The following SYT16 variants were observed in gnomAD, a reference collection of about 807,000 sequenced individuals.
SYT16 encodes synaptotagmin 16.
A neutral mutation model predicts 61.4 loss-of-function variants in SYT16; 42 were observed. The ratio of observed to expected loss-of-function variants is 0.68; its 90% confidence interval spans 0.53 to 0.89. The LOEUF (loss-of-function observed/expected upper bound fraction) is 0.89, where lower values mean the gene tolerates loss of function less well. SYT16 is among the 40% of genes least tolerant of loss of function. The probability of loss-of-function intolerance (pLI) is 0.00; values close to 1 mark genes in which losing one functional copy is unlikely to be tolerated. For synonymous variants in SYT16, 314 were observed against 302.3 expected (o/e 1.04, Z -0.40); for missense variants, 804 against 807.3 (o/e 1.00, Z 0.05).
intron 3 of SYT16, among the ~76,000 whole-genome samples, chr14:62,036,751 A>T (rs1879779684): frequency 1.3e-5 from 2 of 152,122 alleles, no homozygotes; most frequent in Non-Finnish European, 2.9e-5. Context: ...AAAGCACGGG[A>T]AAAACCCGCC....
At chr14:61,831,265 C>G (rs1416245201) in intron 1 of SYT16, among the ~76,000 whole-genome samples, 3 of 152,140 alleles carry the variant, frequency 2.0e-5, no homozygotes, top group Non-Finnish European at 4.4e-5. Flanking sequence ...TTTCTTGAAG[C>G]TTTTTGTTTT....
intron 1 of SYT16, among the ~76,000 whole-genome samples, chr14:61,959,113 C>T (rs1027235090): frequency 3.3e-5 from 5 of 152,054 alleles, no homozygotes; most frequent in African/African-American, 1.2e-4. Flanking sequence ...CTTTATCTAC[C>T]ATTTTCCTTT....
intron 1 of SYT16, among the ~76,000 whole-genome samples, chr14:61,889,938 C>T (rs1209087517): frequency 4.0e-5 from 6 of 151,840 alleles, no homozygotes; most frequent in Non-Finnish European, 8.8e-5. Flanking sequence ...CCTAGTCAAG[C>T]AGAGGACTCA....
chr14:61,852,543 T>C (rs941717648), intron 1 of SYT16, among the ~76,000 whole-genome samples: 1 of 152,198 alleles, frequency 6.6e-6, no homozygotes, highest in East Asian at 1.9e-4. Flanking sequence ...GATTCTCCTA[T>C]CCAAGAGCAT....
intron 1 of SYT16, among the ~76,000 whole-genome samples, chr14:61,889,320 G>A (rs1259135757): frequency 6.6e-6 from 1 of 152,224 alleles, no homozygotes; most frequent in Non-Finnish European, 1.5e-5. Flanking sequence ...TAAGATACTG[G>A]AGGGTGGTCA....
rs929621223 is a variant in SYT16, at chr14:61,836,104, G to A, written c.-325+23294G>A. 2.0e-5 allele frequency among the ~76,000 whole-genome samples: 3 copies of A among 152,172 alleles called. No individual in the cohort carries two copies. The South Asian group carries it at 6.2e-4, about 31-fold the overall frequency. ...TTGATTAGCCCCCCAGGTGATTCTG[G>A]TACTTGCTAAAGTTTGAAAACCACT... On this transcript the variant is annotated intron_variant, in intron 1 of 7. Coordinates refer to ENST00000683842, the MANE Select transcript of SYT16 (RefSeq NM_001367656.1).
At chr14:61,847,381 C>T (rs1319686581) in intron 1 of SYT16, among the ~76,000 whole-genome samples, 2 of 152,174 alleles carry the variant, frequency 1.3e-5, no homozygotes, top group African/African-American at 4.8e-5. Flanking sequence ...GCCATTCTCT[C>T]CTGACCTGTA....
intron 3 of SYT16, among the ~76,000 whole-genome samples, chr14:62,061,778 A>T (rs941521953): frequency 3.9e-5 from 6 of 152,160 alleles, no homozygotes; most frequent in African/African-American, 4.8e-5. Flanking sequence ...GGGAAATAAA[A>T]TTTCAAAATA....
At chr14:62,078,155 C>CTCTCTCTCTATATATATATATATATA (rs766089633) in intron 5 of SYT16, among the ~76,000 whole-genome samples, 4 of 135,932 alleles carry the variant, frequency 2.9e-5, no homozygotes, top group Admixed American at 2.2e-4. Flanking sequence ...CTCTCTCTCT[C>CTCTCTCTCTATATATATATATATATA]TATATATATA....
intron 1 of SYT16, among the ~76,000 whole-genome samples, chr14:61,962,269 G>GT (rs2051146295): frequency 6.6e-6 from 1 of 151,502 alleles, no homozygotes; most frequent in South Asian, 2.1e-4. Flanking sequence ...GAACTTAAAA[G>GT]TTAAAAAAAA....
chr14:61,929,050 C>T lies in SYT16; in HGVS notation c.-324-41082C>T, dbSNP rs781407565. ...CATGCTAAACACATTTCTGGTGGTT[C>T]ACCTCTTCAGCACTGGCTTAGTTCA... On this transcript the variant is annotated intron_variant, in intron 1 of 7. Coordinates refer to ENST00000683842, the MANE Select transcript of SYT16 (RefSeq NM_001367656.1). Among the ~76,000 whole-genome samples the T allele has an allele frequency of 4.1e-4, 62 of 152,190 alleles. 1 individual carries two copies. Among genetic ancestry groups the T allele is most frequent in the Non-Finnish European group, 5.9e-4 (40 of 68,034 alleles).
chr14:61,951,597 T>C (rs1391807966), intron 1 of SYT16, among the ~76,000 whole-genome samples: 5 of 152,188 alleles, frequency 3.3e-5, no homozygotes, highest in Admixed American at 1.3e-4. Context: ...ATTTTTTTTA[T>C]CTGTCTGAAG....
chr14:61,993,270 G>T (rs1424003383), intron 2 of SYT16, among the ~76,000 whole-genome samples: 3 of 151,936 alleles, frequency 2.0e-5, no homozygotes, highest in Non-Finnish European at 4.4e-5. Flanking sequence ...TGGGGGTGTG[G>T]GGGGCAAGGG....
intron 3 of SYT16, among the ~76,000 whole-genome samples, chr14:62,042,174 G>C (rs139179340): frequency 1.3e-3 from 196 of 151,244 alleles, no homozygotes; most frequent in African/African-American, 4.3e-3. Context: ...TTTTTCTTTT[G>C]CTTTTTTTTG....
intron 2 of SYT16, among the ~76,000 whole-genome samples, chr14:61,974,013 G>A (rs1340730421): frequency 1.3e-5 from 2 of 152,150 alleles, no homozygotes; most frequent in African/African-American, 4.8e-5. Flanking sequence ...CTTCTTTTTG[G>A]AATTGTGGCA....
chr14:61,848,273 A>G (rs917299847), intron 1 of SYT16, among the ~76,000 whole-genome samples: 2 of 152,208 alleles, frequency 1.3e-5, no homozygotes, highest in African/African-American at 4.8e-5. Flanking sequence ...CCGTATCTGC[A>G]TTAGGACACA....
intron 4 of SYT16, 67 bp downstream of exon 4, chr14:62,069,882 T>C: frequency 1.3e-6 from 2 of 1,519,580 alleles, no homozygotes; most frequent in Non-Finnish European, 1.8e-6. Flanking sequence ...ATCCGAATTA[T>C]TCACCCTCTG....
chr14:62,077,029 T>G (rs1566825731), intron 5 of SYT16, among the ~76,000 whole-genome samples: 2 of 152,236 alleles, frequency 1.3e-5, no homozygotes, highest in Admixed American at 6.5e-5. Flanking sequence ...GAACCTCAAA[T>G]CCAACTCGGA....
chr14:62,086,719 A>G (rs1388922924), intron 7 of SYT16, among the ~76,000 whole-genome samples: 1 of 152,202 alleles, frequency 6.6e-6, no homozygotes, highest in Non-Finnish European at 1.5e-5. Flanking sequence ...ACCAAATAGG[A>G]AAAAAAGGCA....
Sources: allele counts gnomAD v4.1 joint callset (sites outside exome capture counted in the v4.1 genomes callset), GRCh38; gene constraint gnomAD v4.1.1; transcripts MANE v1.5; gene names NCBI Gene and HGNC (gene_info 2026-07-23, HGNC 2026-07-21).